Variants in PCDHA1 observed in about 807,000 individuals in gnomAD.
The protein encoded by PCDHA1 is protocadherin alpha 1, also known as protocadherin alpha-1.
A neutral mutation model predicts 61.3 loss-of-function variants in PCDHA1; 42 were observed. The ratio of observed to expected loss-of-function variants is 0.69; its 90% CI spans 0.54 to 0.89. The LOEUF is 0.89. Among genes scored for constraint, PCDHA1 ranks in the 40% least tolerant of loss-of-function variants. The pLI is 0.00. For synonymous variants in PCDHA1, 610 were observed against 553.8 expected, an observed-to-expected ratio of 1.10 and a Z score of -1.43; for missense variants, 1,256 against 1,235.3, an observed-to-expected ratio of 1.02 and a Z score of -0.25.
At chr5:140,991,757 C>T (rs1554252410) in intron 3 of PCDHA1, among the ~76,000 whole-genome samples, 1 of 152,160 alleles carries the variant, frequency 6.6e-6, no homozygotes, top group African/African-American at 2.4e-5. Context: ...CTATCATGCT[C>T]TTCAAAATTC....
intron 1 of PCDHA1, among the ~76,000 whole-genome samples, chr5:140,963,211 G>A (rs185560728): frequency 0.016 from 2,496 of 152,042 alleles, 69 homozygotes; most frequent in African/African-American, 0.056. Flanking sequence ...AAAAAACCTC[G>A]TGTTTAGAGT....
chr5:140,883,226 G>A, intron 1 of PCDHA1: 2 of 1,613,938 alleles, frequency 1.2e-6, no homozygotes, highest in South Asian at 1.1e-5. Flanking sequence ...TGAAATATCC[G>A]TGGAGGCAGT....
chr5:140,955,585 T>G (rs1438222402), intron 1 of PCDHA1, among the ~76,000 whole-genome samples: 1 of 152,198 alleles, frequency 6.6e-6, no homozygotes, highest in African/African-American at 2.4e-5. Context: ...CAATTAAACC[T>G]CTTTCTTTTA....
At chr5:140,870,656 C>T (rs782506518) in intron 1 of PCDHA1, 22 of 1,612,360 alleles carry the variant, frequency 1.4e-5, no homozygotes, top group Non-Finnish European at 1.7e-6. Flanking sequence ...AAGGTGTACG[C>T]GCTGCAGCCG....
At chr5:140,942,530 T>C (rs963252648) in intron 1 of PCDHA1, among the ~76,000 whole-genome samples, 5 of 151,374 alleles carry the variant, frequency 3.3e-5, no homozygotes, top group Non-Finnish European at 5.9e-5. Flanking sequence ...AGCAACTAAC[T>C]CAGTATGGTG....
intron 1 of PCDHA1, among the ~76,000 whole-genome samples, chr5:140,926,033 G>A (rs1554203080): frequency 6.6e-6 from 1 of 152,070 alleles, no homozygotes; most frequent in Non-Finnish European, 1.5e-5. Flanking sequence ...AGTTTGATGC[G>A]GACACTATTC....
In PCDHA1 at chr5:140,843,148, T is replaced by G. The variant is rs2150353872; in HGVS notation, c.2394+54464T>G. On this transcript the variant is annotated intron_variant, in intron 1 of 3. Transcript: ENST00000504120. ...CGGGCTACAACGCGTGGCTTTCGTA[T>G]GAGCTGCAGCCAGCTGCAAGCAGCC... is the stretch of plus-strand genomic sequence containing the variant. The G allele has an allele frequency of 1.9e-5, 30 of 1,595,940 alleles. 4 individuals are homozygous for G. The highest frequency in any genetic ancestry group is 2.5e-5 in the Non-Finnish European group (29 of 1,165,574).
chr5:140,932,704 A>G (rs1365268266), intron 1 of PCDHA1, among the ~76,000 whole-genome samples: 1 of 151,932 alleles, frequency 6.6e-6, no homozygotes, highest in Non-Finnish European at 1.5e-5. Context: ...ACTCATATAG[A>G]CAACACAATA....
At chr5:140,893,434 C>G (rs1554185617) in intron 1 of PCDHA1, among the ~76,000 whole-genome samples, 1 of 152,042 alleles carries the variant, frequency 6.6e-6, no homozygotes, top group African/African-American at 2.4e-5. Context: ...AGGAAGATCG[C>G]TTGAAGCCAG....
At chr5:140,924,464 G>A (rs1358240470) in intron 1 of PCDHA1, among the ~76,000 whole-genome samples, 1 of 152,196 alleles carries the variant, frequency 6.6e-6, no homozygotes, top group Non-Finnish European at 1.5e-5. Flanking sequence ...TGTTTAGGGA[G>A]GTAACTGGTT....
At chr5:140,810,155 C>G (rs1764606228) in intron 1 of PCDHA1, 1 of 152,258 alleles carries the variant, frequency 6.6e-6, no homozygotes, top group African/African-American at 2.4e-5. Context: ...ATGAAATTAT[C>G]CATGTTGTTA....
chr5:140,926,570 G>A (rs2083360845), intron 1 of PCDHA1: 1 of 267,246 alleles, frequency 3.7e-6, no homozygotes, highest in African/African-American at 2.2e-5. Flanking sequence ...TGCTACTGGA[G>A]ACAGCACCTC....
At chr5:140,931,884 T>A (rs1554208638) in intron 1 of PCDHA1, among the ~76,000 whole-genome samples, 1 of 151,972 alleles carries the variant, frequency 6.6e-6, no homozygotes, top group Non-Finnish European at 1.5e-5. Flanking sequence ...ATTGCTTTCA[T>A]TTTATTTCAA....
In PCDHA1 at chr5:140,927,503, C is replaced by T. The variant is rs148532418; in HGVS notation, c.2395-51446C>T. On this transcript the variant is annotated intron_variant, in intron 1 of 3. Transcript: ENST00000504120. ...CGCGCCACCCACCTGCTGGTGCTTA[C>T]AGCTCGGGACGGCGGGCTACCTGCC... The T allele has an allele frequency of 1.2e-4, 190 of 1,614,128 alleles. No homozygotes were observed. In the African/African-American group the frequency reaches 2.3e-3, roughly 19 times the overall value.
chr5:140,878,408 T>G (rs1554170402), intron 1 of PCDHA1, among the ~76,000 whole-genome samples: 2 of 152,244 alleles, frequency 1.3e-5, no homozygotes, highest in Non-Finnish European at 2.9e-5. Context: ...AAATATCTTC[T>G]TTATTTCAAG....
In PCDHA1 at chr5:140,787,285, A is replaced by G. The variant is rs782073050; in HGVS notation, c.995A>G (p.Asn332Ser). ...GATAAAGGAAGTCCTCCGATGTCAA[A>G]TCACTGTAAGGTTTTGGTGAAAGTG... Reference protein sequence around the residue: ...AVDKGSPPMSNHCKVLVKVLD... With the variant: ...AVDKGSPPMSSHCKVLVKVLD... Residue 332 changes from asparagine to serine, a missense_variant, in exon 1 of 4, where the codon AAT (asparagine) becomes AGT (serine). By Grantham distance (46) the Asn-to-Ser change is conservative. Transcript: ENST00000504120. 6.8e-6 allele frequency: 11 copies of G among 1,614,238 alleles called. No homozygotes were observed. Among genetic ancestry groups the G allele is most frequent in the Middle Eastern group, 1.6e-4 (1 of 6,062 alleles).
In PCDHA1 at chr5:140,793,954, C is replaced by T. The variant is rs921104176; in HGVS notation, c.2394+5270C>T. 7.2e-5 allele frequency among the ~76,000 whole-genome samples: 11 copies of T among 152,226 alleles called. No individual in the cohort carries two copies. In the East Asian group the frequency reaches 1.5e-3, roughly 21 times the overall value. ...AACAGTATATATACACATATATTTTCAATGGACTAAAATACCTTTGATTAC... is the reference window on the plus strand; with the variant it reads ...AACAGTATATATACACATATATTTTTAATGGACTAAAATACCTTTGATTAC... On this transcript the variant is annotated intron_variant, in intron 1 of 3. Transcript: ENST00000504120.
chr5:141,000,015 G>A (rs960608216), intron 3 of PCDHA1, among the ~76,000 whole-genome samples: 8 of 151,984 alleles, frequency 5.3e-5, no homozygotes, highest in Non-Finnish European at 5.9e-5. Flanking sequence ...CCTCCCCATT[G>A]CTAAGCCTGA....
At chr5:140,814,873 T>C (rs1206145263) in intron 1 of PCDHA1, 1 of 152,240 alleles carries the variant, frequency 6.6e-6, no homozygotes, top group African/African-American at 2.4e-5. Context: ...TGTTTTAATG[T>C]TGGGTGCATA....
Sources: gnomAD v4.1 joint callset for allele counts (sites outside exome capture counted in the v4.1 genomes callset) on GRCh38, gnomAD v4.1.1 for gene constraint, MANE v1.5 for transcripts, NCBI Gene and HGNC (gene_info 2026-07-23, HGNC 2026-07-21) for gene names.